SF3B1: variants seen among roughly 807,000 people sequenced by gnomAD.
SF3B1 encodes splicing factor 3b subunit 1.
A neutral mutation model predicts 153.8 loss-of-function variants in SF3B1; 12 were observed. The ratio of observed to expected loss-of-function variants is 0.08; its 90% CI spans 0.05 to 0.13. The LOEUF is 0.13. SF3B1 is among the 10% of genes least tolerant of loss of function. The probability of loss-of-function intolerance (pLI) is 1.00; values close to 1 mark genes in which losing one functional copy is unlikely to be tolerated. For missense variants in SF3B1, 513 were observed against 1,606.1 expected, an observed-to-expected ratio of 0.32 and a Z score of 11.63; for synonymous variants, 498 against 525.2, an observed-to-expected ratio of 0.95 and a Z score of 0.71.
At position 197,410,212 on chromosome 2, in the gene SF3B1, T is replaced by G. The variant is rs182908687; in HGVS notation, c.667-205A>C. ...GATTAAAAACAATGTAAAGTTTCAA[T>G]CCGAAGCACTGACAAAAGTCCCAGC... On this transcript the variant is annotated intron_variant, in intron 6 of 24. Transcript: ENST00000335508. Among the ~76,000 whole-genome samples the G allele has an allele frequency of 1.4e-3, 209 of 152,284 alleles. 1 individual carries two copies. Among genetic ancestry groups the G allele is most frequent in the Non-Finnish European group, 2.4e-3 (160 of 68,030 alleles).
Position 197,402,110 on chromosome 2 carries a change from T to TGG in SF3B1, c.2097_2098insCC (p.Lys700ProfsTer30). The TGG allele has an allele frequency of 6.2e-7, 1 of 1,604,398 alleles. No homozygotes were observed. Among genetic ancestry groups the TGG allele is most frequent in the Non-Finnish European group, 8.5e-7 (1 of 1,174,534 alleles). On this transcript the variant is annotated frameshift_variant, in exon 15 of 25. Coordinates refer to ENST00000335508, the MANE Select transcript of SF3B1 (RefSeq NM_012433.4). LOFTEE classifies it high-confidence loss of function. The surrounding 1 kb of genome is among the most constrained non-coding windows in gnomAD (Gnocchi z 4.6). ...GCCAAAGCACTGATGGTCCGAACTT[T>TGG]CTGCTGCTCATCCACAAGACCTACA...
chr2:197,405,236 G>A (rs1356198220), intron 10 of SF3B1, 39 bp downstream of exon 10: 1 of 1,589,834 alleles, frequency 6.3e-7, no homozygotes, highest in East Asian at 2.2e-5. Context: ...TATAATTCTG[G>A]AACACAATTA....
At chr2:197,426,830 G>A (rs1381303196) in intron 1 of SF3B1, among the ~76,000 whole-genome samples, 1 of 151,928 alleles carries the variant, frequency 6.6e-6, no homozygotes, top group Non-Finnish European at 1.5e-5. Context: ...CCAATTTAGA[G>A]CATCATTTTA....
intron 1 of SF3B1, among the ~76,000 whole-genome samples, chr2:197,429,549 C>G (rs954863033): frequency 3.3e-5 from 5 of 152,034 alleles, no homozygotes; most frequent in Admixed American, 1.3e-4. Context: ...TTTGGGAGGC[C>G]GATGTGGATG....
At chr2:197,405,730 T>C (rs766061601) in intron 9 of SF3B1, among the ~76,000 whole-genome samples, 8 of 152,094 alleles carry the variant, frequency 5.3e-5, no homozygotes, top group African/African-American at 1.7e-4. Context: ...CATTCAAACA[T>C]GTTGTGGGTC....
At chr2:197,403,399 A>G (rs960989283) in intron 12 of SF3B1, among the ~76,000 whole-genome samples, 186 bp downstream of exon 12, 4 of 152,374 alleles carry the variant, frequency 2.6e-5, no homozygotes, top group Middle Eastern at 3.4e-3. Flanking sequence ...AAATTAAATA[A>G]TATGAACCTC....
At chr2:197,426,210 T>G (rs912821542) in intron 1 of SF3B1, among the ~76,000 whole-genome samples, 1 of 152,028 alleles carries the variant, frequency 6.6e-6, no homozygotes, top group Non-Finnish European at 1.5e-5. Context: ...TTTACTATGA[T>G]CTCTACTTTT....
intron 6 of SF3B1, among the ~76,000 whole-genome samples, chr2:197,414,584 C>T (rs1339230850): frequency 6.6e-6 from 1 of 152,176 alleles, no homozygotes; most frequent in African/African-American, 2.4e-5. Flanking sequence ...TGAAAATACA[C>T]TTTTTAAATT....
chr2:197,399,244 T>C (rs958267078), intron 20 of SF3B1, among the ~76,000 whole-genome samples: 4 of 152,198 alleles, frequency 2.6e-5, no homozygotes, highest in African/African-American at 4.8e-5. Context: ...TAGGGTTGCA[T>C]TGGAGATTAT....
rs1201382733 is a variant in SF3B1 at position 197,392,875 on chromosome 2, A to G, written c.3756+97T>C. 5 of 716,038 alleles carry G rather than the reference A, an allele frequency of 7.0e-6. No individual in the cohort carries two copies. The African/African-American group carries it at 7.2e-5, about 10-fold the overall frequency. The allele number at this position is 716,038 out of a possible 1,614,324, so 44.4% of individuals were successfully genotyped here. A position where few individuals can be genotyped will look rare whatever the true frequency, so the allele number is the denominator to read the frequency against. On this transcript the variant is annotated intron_variant, in intron 24 of 24. Coordinates refer to ENST00000335508, the MANE Select transcript of SF3B1 (RefSeq NM_012433.4). ...AAACCACCATGGCACATATATACCT[A>G]TGTAACAAACCTGCACGTTCAGCAC... is the stretch of plus-strand genomic sequence containing the variant.
chr2:197,422,696 C>G (rs2085265383), intron 2 of SF3B1, among the ~76,000 whole-genome samples: 1 of 151,804 alleles, frequency 6.6e-6, no homozygotes, highest in African/African-American at 2.4e-5. Context: ...CGAGACCATC[C>G]TGGCTAACAC....
chr2:197,434,709 AG>A (rs1051898204), intron 1 of SF3B1, among the ~76,000 whole-genome samples: 29 of 152,272 alleles, frequency 1.9e-4, no homozygotes, highest in African/African-American at 6.7e-4. Context: ...CGCTTAAACG[AG>A]GCCCTCTGGT....
At position 197,390,082 on chromosome 2, in the gene SF3B1, TTAA is replaced by T. The variant is rs1408754553; in HGVS notation, c.*2218_*2220del. 1 of 152,236 alleles carries T rather than the reference TTAA, an allele frequency of 6.6e-6. No individual in the cohort carries two copies. The highest frequency in any genetic ancestry group is 2.4e-5 in the African/African-American group (1 of 41,466). The allele number at this position is 152,236 out of a possible 1,614,324, so 9.4% of individuals were successfully genotyped here. A position where few individuals can be genotyped will look rare whatever the true frequency, so the allele number is the denominator to read the frequency against. Reference sequence around the variant, plus strand: ...ACATATCACAAAATGCTTTCCTTATTTAATAATAAGCACATAAAATAATCCAAA... The same window carrying T: ...ACATATCACAAAATGCTTTCCTTATTTAATAAGCACATAAAATAATCCAAA... On this transcript the variant is annotated 3_prime_UTR_variant, in exon 25 of 25. Coordinates refer to ENST00000335508, the MANE Select transcript of SF3B1 (RefSeq NM_012433.4).
In SF3B1 at chr2:197,400,137, T is replaced by C. The variant is rs199700456; in HGVS notation, c.2931A>G (p.Val977=). 2.7e-4 allele frequency: 430 copies of C among 1,613,782 alleles called. 3 individuals are homozygous for C. The South Asian group carries it at 4.4e-3, about 16-fold the overall frequency. ...EEKLMGHLGV[V]LYEYLGEEYP... is the part of the protein sequence containing the mutation. ...ACTCTTCACCCAAATACTCATACAA[T>C]ACAACACCCAAGTGTCCCATCAATT... The change falls in exon 20 of 25, where the codon GTA becomes GTG. Residue 977 remains valine, a synonymous_variant. Coordinates refer to ENST00000335508, the MANE Select transcript of SF3B1 (RefSeq NM_012433.4). The surrounding 1 kb of genome is among the most constrained non-coding windows in gnomAD (Gnocchi z 5.0).
rs187799818 is a variant in SF3B1 at position 197,411,175 on chromosome 2, C to A, written c.667-1168G>T. Among the ~76,000 whole-genome samples the A allele has an allele frequency of 3.3e-5, 5 of 152,276 alleles. No homozygotes were observed. In the East Asian group the frequency reaches 9.6e-4, roughly 29 times the overall value. Reference sequence around the variant, plus strand: ...CAGGCTGAGAGGTGGGTTTAAGTAACATCAAGGGTTCCACAGTAGTTCAAA... The same window carrying A: ...CAGGCTGAGAGGTGGGTTTAAGTAAAATCAAGGGTTCCACAGTAGTTCAAA... On this transcript the variant is annotated intron_variant, in intron 6 of 24. Coordinates refer to ENST00000335508, the MANE Select transcript of SF3B1 (RefSeq NM_012433.4).
chr2:197,406,355 AATT>A (rs2084993168), intron 9 of SF3B1, among the ~76,000 whole-genome samples: 1 of 152,102 alleles, frequency 6.6e-6, no homozygotes, highest in South Asian at 2.1e-4. Context: ...TTAAAGATTA[AATT>A]ATGTTAAATT....
Position 197,409,870 on chromosome 2 carries a change from A to G in SF3B1, c.804T>C (p.Pro268=), listed in dbSNP as rs770985814. The change falls in exon 7 of 25, where the codon CCT becomes CCC. Residue 268 remains proline (P), a synonymous_variant. Coordinates refer to ENST00000335508, the MANE Select transcript of SF3B1 (RefSeq NM_012433.4). Reference sequence around the variant, plus strand: ...CATGGCCTGGTGTATCACCTCGTCCAGGAGTAGCAGCTCCCGCTGGTGTGT... The same window carrying G: ...CATGGCCTGGTGTATCACCTCGTCCGGGAGTAGCAGCTCCCGCTGGTGTGT... ...PSHTPAGAAT[P]GRGDTPGHAT... is the part of the protein sequence containing the mutation. The G allele has an allele frequency of 6.2e-7, 1 of 1,614,180 alleles. No homozygotes were observed. The highest frequency in any genetic ancestry group is 8.5e-7 in the Non-Finnish European group (1 of 1,180,032).
chr2:197,434,130 C>G (rs1427550509), intron 1 of SF3B1, among the ~76,000 whole-genome samples: 1 of 152,204 alleles, frequency 6.6e-6, no homozygotes, highest in African/African-American at 2.4e-5. Flanking sequence ...AAGTCTCGTT[C>G]TCAGTGAAAA....
In SF3B1 at chr2:197,420,406, TAGAAAAGTGGGAA is replaced by T. The variant is rs780069994; in HGVS notation, c.415+9_415+21del. The T allele has an allele frequency of 1.2e-5, 19 of 1,546,016 alleles. No homozygotes were observed. In the South Asian group the frequency reaches 2.0e-4, roughly 16 times the overall value. On this transcript the variant is annotated intron_variant, in intron 4 of 24. Transcript: ENST00000335508. ...ATACAAATAAATTTCTGAATACTTA[TAGAAAAGTGGGAA>T]AGAATTACCATCTGCAAAAGGATCA... is the stretch of plus-strand genomic sequence containing the variant.
Sources: allele counts gnomAD v4.1 joint callset (sites outside exome capture counted in the v4.1 genomes callset), GRCh38; gene constraint gnomAD v4.1.1; non-coding constraint Gnocchi (gnomAD v3.1); transcripts MANE v1.5; gene names NCBI Gene and HGNC (gene_info 2026-07-23, HGNC 2026-07-21).